Variants in LINGO2 observed in about 807,000 individuals in gnomAD.
The protein encoded by LINGO2 is leucine rich repeat and Ig domain containing 2.
Under a neutral mutation model 30.6 loss-of-function variants are expected in LINGO2, and 14 were observed. The observed-to-expected ratio is 0.46, with a 90% CI of 0.30 to 0.72. The LOEUF (loss-of-function observed/expected upper bound fraction) is 0.72, where lower values mean the gene tolerates loss of function less well. Among genes scored for constraint, LINGO2 ranks in the 30% least tolerant of loss-of-function variants. LINGO2 has a pLI of 0.07. For missense variants in LINGO2, 729 were observed against 751.7 expected, an observed-to-expected ratio of 0.97 and a Z score of 0.35; for synonymous variants, 317 against 288.5, an observed-to-expected ratio of 1.10 and a Z score of -1.00.
the LINGO2 span, among the ~76,000 whole-genome samples, chr9:29,137,266 C>A: frequency 6.6e-6 from 1 of 152,116 alleles, no homozygotes; most frequent in Non-Finnish European, 1.5e-5. Context: ...GGTTCATCAT[C>A]AGTAATTTGC....
chr9:29,047,219 A>T, the LINGO2 span, among the ~76,000 whole-genome samples: 5 of 152,024 alleles, frequency 3.3e-5, no homozygotes, highest in Non-Finnish European at 5.9e-5. Context: ...AGAGAAAAAC[A>T]ACCCCATTAA....
chr9:28,597,941 T>C (rs188631909), intron 1 of LINGO2, among the ~76,000 whole-genome samples: 7 of 152,138 alleles, frequency 4.6e-5, no homozygotes, highest in Admixed American at 3.3e-4. Flanking sequence ...ATTTTTGTAT[T>C]TTTAGTAGAG....
intron 2 of LINGO2, among the ~76,000 whole-genome samples, chr9:28,409,394 A>AGT (rs1822654883): frequency 6.6e-6 from 1 of 152,088 alleles, no homozygotes; most frequent in African/African-American, 2.4e-5. Context: ...AGCAAGCACA[A>AGT]GTGTACAATT....
the LINGO2 span, among the ~76,000 whole-genome samples, chr9:29,093,756 G>C: frequency 1.5e-5 from 2 of 136,716 alleles, 1 homozygote; most frequent in Non-Finnish European, 3.2e-5. Flanking sequence ...GTAGAATAAA[G>C]GTCTCCTGAA....
intron 4 of LINGO2, among the ~76,000 whole-genome samples, chr9:28,083,093 C>A (rs17698390): frequency 0.087 from 13,313 of 152,226 alleles, 821 homozygotes; most frequent in Middle Eastern, 0.18. Context: ...GACTTCAATA[C>A]CCACCTCTAA....
the LINGO2 span, among the ~76,000 whole-genome samples, chr9:29,142,995 C>A: frequency 1.3e-5 from 2 of 151,878 alleles, no homozygotes; most frequent in South Asian, 2.1e-4. Context: ...AATTTTAATT[C>A]TCTAATAAGT....
chr9:28,202,554 C>T (rs1462458044), intron 4 of LINGO2, among the ~76,000 whole-genome samples: 1 of 152,118 alleles, frequency 6.6e-6, no homozygotes, highest in Non-Finnish European at 1.5e-5. Context: ...TCTGTTCCCT[C>T]ACCCCGTCCC....
chr9:28,161,820 G>A (rs543121727), intron 4 of LINGO2, among the ~76,000 whole-genome samples: 5 of 151,688 alleles, frequency 3.3e-5, no homozygotes, highest in East Asian at 3.9e-4. Context: ...ATTTCATCTC[G>A]GTAGACGCTA....
rs1825333249 is a variant in LINGO2 at position 28,329,174 on chromosome 9, G to A, written c.-245-33808C>T. Reference sequence around the variant, plus strand: ...AGAAGGCTCCCAAATCTGAAACCAAGCCTCCAGTTTCCAAAGGAGCCGAGA... The same window carrying A: ...AGAAGGCTCCCAAATCTGAAACCAAACCTCCAGTTTCCAAAGGAGCCGAGA... On this transcript the variant is annotated intron_variant, in intron 3 of 5. Coordinates refer to ENST00000379992, the Ensembl canonical transcript of LINGO2. The surrounding 1 kb of genome is among the most constrained non-coding windows in gnomAD (Gnocchi z 4.5). Among the ~76,000 whole-genome samples the A allele has an allele frequency of 6.6e-6, 1 of 152,076 alleles. No homozygotes were observed. The highest frequency in any genetic ancestry group is 1.5e-5 in the Non-Finnish European group (1 of 68,010).
In LINGO2 at chr9:28,351,560, C is replaced by T. The variant is rs1323281583; in HGVS notation, c.-246+21276G>A. Among the ~76,000 whole-genome samples the T allele has an allele frequency of 3.3e-3, 478 of 143,632 alleles. 4 individuals carry two copies. Among genetic ancestry groups the T allele is most frequent in the African/African-American group, 0.012 (458 of 38,392 alleles). The allele number at this position is 143,632 out of a possible 152,430, so 94.2% of individuals were successfully genotyped here. The stretch of plus-strand genomic sequence containing the variant: ...GACCAGATGGATTCACAGCCGAATT[C>T]TACCAGAGGTACAAGGAGGAACTGG... On this transcript the variant is annotated intron_variant, in intron 3 of 5. Coordinates refer to ENST00000379992, the Ensembl canonical transcript of LINGO2.
chr9:29,042,493 T>A, the LINGO2 span, among the ~76,000 whole-genome samples: 1 of 151,988 alleles, frequency 6.6e-6, no homozygotes, highest in South Asian at 2.1e-4. Context: ...ATCAATAACA[T>A]GGACTACTAC....
At chr9:28,513,456 C>T (rs1335587212) in intron 1 of LINGO2, among the ~76,000 whole-genome samples, 1 of 152,148 alleles carries the variant, frequency 6.6e-6, no homozygotes, top group Non-Finnish European at 1.5e-5. Context: ...TTAGTTTCTA[C>T]ATCAGTCTGT....
chr9:28,840,562 C>T, the LINGO2 span, among the ~76,000 whole-genome samples: 46 of 151,926 alleles, frequency 3.0e-4, no homozygotes, highest in Admixed American at 1.4e-3. Flanking sequence ...ATCTTTTATC[C>T]CATAGAAGCT....
At chr9:28,406,290 G>T (rs537547609) in intron 2 of LINGO2, among the ~76,000 whole-genome samples, 3 of 150,896 alleles carry the variant, frequency 2.0e-5, no homozygotes, top group Non-Finnish European at 4.4e-5. Context: ...ATAAAAATTA[G>T]CTGGGCATGG....
chr9:29,059,662 A>G, the LINGO2 span, among the ~76,000 whole-genome samples: 1 of 151,984 alleles, frequency 6.6e-6, no homozygotes, highest in Non-Finnish European at 1.5e-5. Context: ...ATTTACATCT[A>G]TATGGAAAAT....
intron 1 of LINGO2, among the ~76,000 whole-genome samples, chr9:28,550,180 A>C (rs772740432): frequency 6.6e-6 from 1 of 151,920 alleles, no homozygotes; most frequent in Non-Finnish European, 1.5e-5. Flanking sequence ...AGAATTAAGC[A>C]TCAATATGCA....
intron 1 of LINGO2, among the ~76,000 whole-genome samples, chr9:28,593,670 A>T (rs1232923931): frequency 2.0e-5 from 3 of 151,920 alleles, no homozygotes; most frequent in Non-Finnish European, 2.9e-5. Context: ...TCAAAAATCA[A>T]AATAAACTTG....
In LINGO2 at chr9:28,423,887, G is replaced by T. The variant is rs916835950; in HGVS notation, c.-278-51019C>A. 3.3e-5 allele frequency among the ~76,000 whole-genome samples: 5 copies of T among 152,028 alleles called. No homozygotes were observed. In the East Asian group the frequency reaches 9.7e-4, roughly 29 times the overall value. On this transcript the variant is annotated intron_variant, in intron 2 of 5. Transcript: ENST00000379992. ...TTTTAAAATTATTATCTTTAAATGT[G>T]GTCTTCCAATAATTAATTTCAGAAA...
intron 1 of LINGO2, among the ~76,000 whole-genome samples, chr9:28,547,470 C>T (rs563435830): frequency 2.0e-5 from 3 of 152,170 alleles, no homozygotes; most frequent in South Asian, 4.1e-4. Flanking sequence ...CAACTTTGCT[C>T]TTAATAGAAA....
Sources: allele counts gnomAD v4.1 joint callset (sites outside exome capture counted in the v4.1 genomes callset), GRCh38; gene constraint gnomAD v4.1.1; non-coding constraint Gnocchi (gnomAD v3.1); transcripts MANE v1.5; gene names NCBI Gene and HGNC (gene_info 2026-07-23, HGNC 2026-07-21).